UPF2: variants seen among roughly 807,000 people sequenced by gnomAD.
The protein encoded by UPF2 is regulator of nonsense transcripts 2.
In UPF2, 17 loss-of-function variants were observed where a neutral mutation model predicts 141.4. The observed-to-expected ratio is 0.12, with a 90% CI of 0.08 to 0.18. The LOEUF is 0.18. Among genes scored for constraint, UPF2 ranks in the 10% least tolerant of loss-of-function variants. UPF2 has a pLI of 1.00. For synonymous variants in UPF2, 540 were observed against 498.0 expected, an observed-to-expected ratio of 1.08 and a Z score of -1.12; for missense variants, 1,152 against 1,515.9, an observed-to-expected ratio of 0.76 and a Z score of 3.99.
intron 8 of UPF2, among the ~76,000 whole-genome samples, chr10:11,987,553 T>C (rs1258575326): frequency 6.6e-6 from 1 of 150,894 alleles, no homozygotes; most frequent in Non-Finnish European, 1.5e-5. Flanking sequence ...AGGTCAGGAG[T>C]TCATGACCAG....
At chr10:12,008,200 G>A (rs1487022116) in intron 4 of UPF2, among the ~76,000 whole-genome samples, 1 of 151,946 alleles carries the variant, frequency 6.6e-6, no homozygotes, top group Non-Finnish European at 1.5e-5. Context: ...GACAGGGGGT[G>A]GGGGTATAAA....
chr10:12,033,485 A>G, intron 2 of UPF2, among the ~76,000 whole-genome samples: 1 of 151,488 alleles, frequency 6.6e-6, no homozygotes, highest in African/African-American at 2.4e-5. Flanking sequence ...GTGAGCTGGC[A>G]TTGTACCACT....
Position 11,980,474 on chromosome 10 carries a change from G to C in UPF2, c.1845-1309C>G, listed in dbSNP as rs1050215660. Among the ~76,000 whole-genome samples the C allele has an allele frequency of 1.3e-5, 2 of 152,134 alleles. No homozygotes were observed. The highest frequency in any genetic ancestry group is 1.3e-4 in the Admixed American group (2 of 15,272). Reference sequence around the variant, plus strand: ...TTATCGCTGAGTGGAGGCCGGGCACGGTGGCTCACATCTGTAATCCCAGCA... The same window carrying C: ...TTATCGCTGAGTGGAGGCCGGGCACCGTGGCTCACATCTGTAATCCCAGCA... On this transcript the variant is annotated intron_variant, in intron 8 of 21. Transcript: ENST00000357604. The surrounding 1 kb of genome is among the most constrained non-coding windows in gnomAD (Gnocchi z 4.2).
intron 12 of UPF2, among the ~76,000 whole-genome samples, chr10:11,957,135 A>C (rs1424042002): frequency 6.6e-6 from 1 of 151,942 alleles, no homozygotes; most frequent in Non-Finnish European, 1.5e-5. Context: ...TAGGTCTTTA[A>C]AAACAAAAAC....
intron 8 of UPF2, among the ~76,000 whole-genome samples, chr10:11,986,893 G>A (rs964100265): frequency 6.6e-6 from 1 of 152,160 alleles, no homozygotes; most frequent in Non-Finnish European, 1.5e-5. Context: ...AAAAAGTCCA[G>A]CAAACTCTCC....
chr10:11,972,063 C>CAAAAAAAAAAAAAA (rs58355538), intron 9 of UPF2, among the ~76,000 whole-genome samples: 1 of 101,032 alleles, frequency 9.9e-6, no homozygotes, highest in African/African-American at 3.6e-5. Flanking sequence ...GACTCTGTCT[C>CAAAAAAAAAAAAAA]AAAAAAAAAA....
At chr10:11,986,899 T>C (rs887468128) in intron 8 of UPF2, among the ~76,000 whole-genome samples, 27 of 151,988 alleles carry the variant, frequency 1.8e-4, no homozygotes, top group Non-Finnish European at 2.9e-5. Context: ...TCCAGCAAAC[T>C]CTCCTAAAAG....
intron 8 of UPF2, among the ~76,000 whole-genome samples, chr10:11,985,224 C>G (rs547541426): frequency 6.6e-6 from 1 of 152,212 alleles, no homozygotes; most frequent in African/African-American, 2.4e-5. Context: ...TACAAAATAC[C>G]ACCCTGCTCT....
chr10:11,984,664 G>A (rs1911022), intron 8 of UPF2, among the ~76,000 whole-genome samples: 77,778 of 150,228 alleles, frequency 0.52, 21,265 homozygotes, highest in East Asian at 0.84. Context: ...TCTTCTAAGT[G>A]GCCCAATCTA....
chr10:11,971,145 T>C lies in UPF2; in HGVS notation c.1954-3691A>G, dbSNP rs546793535. Among the ~76,000 whole-genome samples the C allele has an allele frequency of 2.0e-4, 31 of 152,248 alleles. No homozygotes were observed. The South Asian group carries it at 6.2e-3, about 31-fold the overall frequency. Reference sequence around the variant, plus strand: ...TAAATGAAGTGTTATAAATCAATGATCTCACTCCCTCATTTTCAGATGAGA... The same window carrying C: ...TAAATGAAGTGTTATAAATCAATGACCTCACTCCCTCATTTTCAGATGAGA... On this transcript the variant is annotated intron_variant, in intron 9 of 21. Transcript: ENST00000357604.
intron 8 of UPF2, among the ~76,000 whole-genome samples, chr10:11,996,423 C>T (rs1833865742): frequency 6.6e-6 from 1 of 151,612 alleles, no homozygotes; most frequent in South Asian, 2.1e-4. Flanking sequence ...TCTTGGCTCA[C>T]TGCAACCTCC....
intron 15 of UPF2, among the ~76,000 whole-genome samples, 153 bp from the exon 16 acceptor site, chr10:11,948,661 A>G (rs1833035587): frequency 6.6e-6 from 1 of 152,266 alleles, no homozygotes; most frequent in Non-Finnish European, 1.5e-5. Flanking sequence ...ACGGTGAGAA[A>G]CATTTAAAAA....
chr10:12,033,345 G>A (rs7085948), intron 2 of UPF2, among the ~76,000 whole-genome samples: 57,449 of 151,956 alleles, frequency 0.38, 13,077 homozygotes, highest in Non-Finnish European at 0.5. Context: ...AGACTAGCCT[G>A]GGCAACATGG....
intron 8 of UPF2, among the ~76,000 whole-genome samples, chr10:11,985,924 G>A (rs1424923950): frequency 3.4e-5 from 3 of 89,392 alleles, no homozygotes. Flanking sequence ...TCGCTGTGTC[G>A]CCCAGGCTGG....
chr10:11,985,599 C>T (rs1322103823), intron 8 of UPF2, among the ~76,000 whole-genome samples: 1 of 143,760 alleles, frequency 7.0e-6, no homozygotes, highest in Non-Finnish European at 1.5e-5. Context: ...CCAGCCTGGG[C>T]GACACAGCAA....
At chr10:11,961,338 G>T (rs1227056797) in intron 11 of UPF2, among the ~76,000 whole-genome samples, 1 of 151,972 alleles carries the variant, frequency 6.6e-6, no homozygotes, top group Non-Finnish European at 1.5e-5. Flanking sequence ...GTTTGGAGTG[G>T]GTTAGGGAAG....
Position 11,959,110 on chromosome 10 carries a change from A to G in UPF2, c.2370+61T>C. The stretch of plus-strand genomic sequence containing the variant: ...CCCCCACTTCTCCTAGACTCTACAT[A>G]AGCTTAGCACTACCACAAATCTCAC... On this transcript the variant is annotated intron_variant, in intron 12 of 21. Transcript: ENST00000357604. The surrounding 1 kb of genome is among the most constrained non-coding windows in gnomAD (Gnocchi z 5.9). 1.3e-6 allele frequency: 2 copies of G among 1,494,508 alleles called. No homozygotes were observed. Among genetic ancestry groups the G allele is most frequent in the Non-Finnish European group, 1.8e-6 (2 of 1,123,562 alleles). 92.6% of individuals were successfully genotyped at this position (1,494,508 alleles called of 1,614,324 possible).
intron 8 of UPF2, among the ~76,000 whole-genome samples, chr10:11,996,083 T>TATGA (rs1457475051): frequency 1.3e-5 from 2 of 152,152 alleles, no homozygotes; most frequent in Non-Finnish European, 2.9e-5. Flanking sequence ...GTGTAAGCTG[T>TATGA]ATGAATACAA....
At chr10:12,007,823 G>A (rs111647476) in intron 4 of UPF2, among the ~76,000 whole-genome samples, 1 of 130,344 alleles carries the variant, frequency 7.7e-6, no homozygotes, top group Non-Finnish European at 1.7e-5. Flanking sequence ...ACAGCAAGGC[G>A]CCGTCTCAAA....
Sources: gnomAD v4.1 joint callset for allele counts (sites outside exome capture counted in the v4.1 genomes callset) on GRCh38, gnomAD v4.1.1 for gene constraint, Gnocchi (gnomAD v3.1) non-coding constraint, MANE v1.5 for transcripts, NCBI Gene and HGNC (gene_info 2026-07-23, HGNC 2026-07-21) for gene names.